The following ZFHX3 variants were observed in gnomAD, a reference collection of about 807,000 sequenced individuals.
The protein encoded by ZFHX3 is zinc finger homeobox protein 3.
In ZFHX3, 42 loss-of-function variants were observed where a neutral mutation model predicts 279.1. The observed-to-expected ratio is 0.15, with a 90% confidence interval of 0.12 to 0.19. The LOEUF is 0.19. Among genes scored for constraint, ZFHX3 ranks in the 10% least tolerant of loss-of-function variants. ZFHX3 has a pLI of 1.00. For synonymous variants in ZFHX3, 2,293 were observed against 1,957.8 expected (o/e 1.17, Z -4.52); for missense variants, 4,981 against 4,754.0 (o/e 1.05, Z -1.40).
chr16:73,192,741 G>A (rs538506819), intron 5 of ZFHX3, among the ~76,000 whole-genome samples: 1 of 152,216 alleles, frequency 6.6e-6, no homozygotes, highest in Non-Finnish European at 1.5e-5. Context: ...TCATGCGCTG[G>A]TGCTTTAAGC....
At chr16:73,107,592 G>A (rs1310070989) in intron 7 of ZFHX3, among the ~76,000 whole-genome samples, 2 of 152,142 alleles carry the variant, frequency 1.3e-5, no homozygotes, top group African/African-American at 4.8e-5. Flanking sequence ...CCTGTGCCTG[G>A]AACAAACCTG....
intron 7 of ZFHX3, among the ~76,000 whole-genome samples, chr16:73,096,649 C>G (rs1966167992): frequency 6.6e-6 from 1 of 151,862 alleles, no homozygotes; most frequent in Non-Finnish European, 1.5e-5. Flanking sequence ...AAGGGATCCA[C>G]CTGCCTCAGC....
chr16:73,670,503 A>G (rs2052894058), intron 2 of ZFHX3, among the ~76,000 whole-genome samples: 1 of 152,218 alleles, frequency 6.6e-6, no homozygotes, highest in Non-Finnish European at 1.5e-5. Context: ...GACTACTTTA[A>G]GCTTAATCTT....
intron 2 of ZFHX3, among the ~76,000 whole-genome samples, chr16:73,457,946 C>T (rs2143574216): frequency 6.6e-6 from 1 of 152,272 alleles, no homozygotes; most frequent in South Asian, 2.1e-4. Flanking sequence ...CACTAGCTAG[C>T]TAAATAAGGG....
At chr16:73,068,141 T>C (rs574498640) in intron 8 of ZFHX3, among the ~76,000 whole-genome samples, 2 of 152,306 alleles carry the variant, frequency 1.3e-5, no homozygotes, top group Admixed American at 6.5e-5. Flanking sequence ...TCCCATCTTA[T>C]AGATGAGGAA....
intron 7 of ZFHX3, chr16:73,123,190 G>A (rs1043942868): frequency 7.4e-6 from 1 of 134,670 alleles, no homozygotes; most frequent in African/African-American, 2.6e-5. Context: ...GGAAAGGAGT[G>A]TCCCATGTGG....
chr16:73,689,679 C>T (rs1024591637), intron 1 of ZFHX3, among the ~76,000 whole-genome samples: 5 of 152,112 alleles, frequency 3.3e-5, no homozygotes, highest in African/African-American at 9.7e-5. Context: ...TTCTATGTTA[C>T]AAGTCAGATG....
chr16:73,492,842 G>A (rs1204632937), intron 2 of ZFHX3, among the ~76,000 whole-genome samples: 1 of 152,072 alleles, frequency 6.6e-6, no homozygotes, highest in South Asian at 2.1e-4. Context: ...TGCTCCTAGC[G>A]GACTGTGGTG....
intron 4 of ZFHX3, among the ~76,000 whole-genome samples, chr16:72,872,083 T>A (rs2143964382): frequency 7.0e-6 from 1 of 142,116 alleles, no homozygotes; most frequent in Non-Finnish European, 1.5e-5. Context: ...AGAGTGAGAC[T>A]CTGTCTCCAA....
At chr16:73,849,184 T>C (rs138322519) in intron 1 of ZFHX3, among the ~76,000 whole-genome samples, 1 of 152,356 alleles carries the variant, frequency 6.6e-6, no homozygotes, top group African/African-American at 2.4e-5. Flanking sequence ...TTACAGTCGC[T>C]CCTTAGGCGG....
intron 7 of ZFHX3, among the ~76,000 whole-genome samples, chr16:73,104,028 G>A (rs1966263596): frequency 6.6e-6 from 1 of 152,146 alleles, no homozygotes; most frequent in African/African-American, 2.4e-5. Context: ...TGGCCTCCGA[G>A]GAAGAACTGG....
At chr16:73,207,869 C>G (rs1179752158) in intron 5 of ZFHX3, among the ~76,000 whole-genome samples, 2 of 152,096 alleles carry the variant, frequency 1.3e-5, no homozygotes, top group Non-Finnish European at 2.9e-5. Context: ...GTAAATTGCG[C>G]CAACGTTTTG....
intron 5 of ZFHX3, among the ~76,000 whole-genome samples, chr16:73,218,823 A>T (rs921440062): frequency 1.3e-5 from 2 of 152,200 alleles, no homozygotes; most frequent in African/African-American, 4.8e-5. Flanking sequence ...TATCATTATA[A>T]TCATTCTAAG....
At chr16:73,418,085 G>A (rs1266465178) in intron 3 of ZFHX3, among the ~76,000 whole-genome samples, 2 of 151,692 alleles carry the variant, frequency 1.3e-5, no homozygotes, top group African/African-American at 4.8e-5. Flanking sequence ...CACAGCAGCT[G>A]ACCATTCCTT....
rs1195079973 is a variant in ZFHX3, at chr16:73,263,820, C to T, written c.-1193-6684G>A. On this transcript the variant is annotated intron_variant, in intron 4 of 17. Transcript: ENST00000641206. ...CAGGATTAAAAGGAAAGGTGCTTAT[C>T]TGGCACTGGCTGGAAGGTGCTAAGC... 3.3e-5 allele frequency among the ~76,000 whole-genome samples: 5 copies of T among 152,186 alleles called. No homozygotes were observed. The South Asian group carries it at 1.0e-3, about 31-fold the overall frequency.
At chr16:73,592,612 G>A (rs1215934039) in intron 2 of ZFHX3, among the ~76,000 whole-genome samples, 42 of 152,236 alleles carry the variant, frequency 2.8e-4, no homozygotes, top group Admixed American at 2.7e-3. Context: ...GGGGAGAGTA[G>A]GAGGAAATGT....
At chr16:73,009,783 G>A (rs36112891) in intron 1 of ZFHX3, among the ~76,000 whole-genome samples, 11,293 of 152,114 alleles carry the variant, frequency 0.074, 438 homozygotes, top group Middle Eastern at 0.12. Flanking sequence ...CACTTTCAGA[G>A]GCCGACGCAG....
chr16:73,315,733 G>A (rs999944578), intron 4 of ZFHX3, among the ~76,000 whole-genome samples: 4 of 152,180 alleles, frequency 2.6e-5, no homozygotes, highest in Non-Finnish European at 5.9e-5. Flanking sequence ...ACTAGCAAAC[G>A]CAAAGTGCCT....
intron 1 of ZFHX3, among the ~76,000 whole-genome samples, chr16:72,976,056 G>A (rs1170628674): frequency 1.3e-5 from 2 of 152,196 alleles, no homozygotes; most frequent in Non-Finnish European, 2.9e-5. Flanking sequence ...GATCAATGTA[G>A]ATCAAGACCC....
Sources: gnomAD v4.1 joint callset for allele counts (sites outside exome capture counted in the v4.1 genomes callset) on GRCh38, gnomAD v4.1.1 for gene constraint, MANE v1.5 for transcripts, NCBI Gene and HGNC (gene_info 2026-07-23, HGNC 2026-07-21) for gene names.